Variants in SEL1L3 observed in about 807,000 individuals in gnomAD.
SEL1L3 encodes protein sel-1 homolog 3.
A neutral mutation model predicts 142.8 loss-of-function variants in SEL1L3; 76 were observed. The observed-to-expected ratio is 0.53, with a 90% CI of 0.44 to 0.64. SEL1L3 has a LOEUF of 0.64. Among genes scored for constraint, SEL1L3 ranks in the 30% least tolerant of loss-of-function variants. The pLI is 0.00. For missense variants in SEL1L3, 1,262 were observed against 1,381.7 expected (o/e 0.91, Z 1.37); for synonymous variants, 504 against 519.6 (o/e 0.97, Z 0.41).
In SEL1L3 at chr4:25,747,583, C is replaced by A. The variant is rs1248091070; in HGVS notation, c.*842G>T. On this transcript the variant is annotated 3_prime_UTR_variant, in exon 24 of 24. Transcript: ENST00000399878. The stretch of plus-strand genomic sequence containing the variant: ...GCTCTTCCTCTTCCTCTCTAACACA[C>A]ACACACACACACACACACACATATC... The A allele has an allele frequency of 6.6e-6, 1 of 151,954 alleles. No individual in the cohort carries two copies. Among genetic ancestry groups the A allele is most frequent in the African/African-American group, 2.4e-5 (1 of 41,332 alleles). 9.4% of individuals were successfully genotyped at this position (151,954 alleles called of 1,614,324 possible). A position where few individuals can be genotyped will look rare whatever the true frequency, so the allele number is the denominator to read the frequency against.
chr4:25,750,739 A>T (rs1208152477), intron 23 of SEL1L3, among the ~76,000 whole-genome samples: 1 of 152,198 alleles, frequency 6.6e-6, no homozygotes, highest in African/African-American at 2.4e-5. Flanking sequence ...ATTTTACTAT[A>T]ATTTTAGTAG....
the SEL1L3 span, among the ~76,000 whole-genome samples, chr4:25,738,705 G>T: frequency 6.6e-6 from 1 of 152,114 alleles, no homozygotes; most frequent in Non-Finnish European, 1.5e-5. Flanking sequence ...GGTAATCATT[G>T]TCTTCAGTTC....
At chr4:25,754,313 A>T (rs182021140) in intron 23 of SEL1L3, among the ~76,000 whole-genome samples, 10 of 150,180 alleles carry the variant, frequency 6.7e-5, no homozygotes, top group African/African-American at 2.4e-4. Context: ...AAAAATATAT[A>T]AAATAAATAA....
rs1713448896 is a variant in SEL1L3 at position 25,804,884 on chromosome 4, C to G, written c.1565-132G>C. The G allele has an allele frequency of 1.0e-5, 7 of 675,162 alleles. No individual in the cohort carries two copies. In the Admixed American group the frequency reaches 1.7e-4, roughly 16 times the overall value. 41.8% of individuals were successfully genotyped at this position (675,162 alleles called of 1,614,324 possible). A position where few individuals can be genotyped will look rare whatever the true frequency, so the allele number is the denominator to read the frequency against. On this transcript the variant is annotated intron_variant, in intron 9 of 23. Coordinates refer to ENST00000399878, the MANE Select transcript of SEL1L3 (RefSeq NM_015187.5). ...CGGTCCTGCAGTGCCTCAAAATATA[C>G]CACCTTCCAGGGAGGTAAATGAAAC... is the stretch of plus-strand genomic sequence containing the variant.
At chr4:25,745,428 T>A (rs911118598), downstream of SEL1L3, among the ~76,000 whole-genome samples, 5 of 151,516 alleles carry the variant, frequency 3.3e-5, no homozygotes, top group African/African-American at 4.9e-5. Flanking sequence ...GAAGGCAGAA[T>A]TGAGCAGAGT....
intron 2 of SEL1L3, among the ~76,000 whole-genome samples, chr4:25,845,439 T>G (rs191931599): frequency 6.6e-6 from 1 of 152,236 alleles, no homozygotes; most frequent in East Asian, 1.9e-4. Flanking sequence ...GAGGCTATAG[T>G]GAGTTATGAT....
intron 20 of SEL1L3, 116 bp from the exon 21 acceptor site, chr4:25,759,184 C>A (rs1450736685): frequency 9.2e-7 from 1 of 1,082,744 alleles, no homozygotes; most frequent in South Asian, 1.6e-5. Context: ...GTCTCTAGAG[C>A]CAGATGGTTT....
intron 2 of SEL1L3, among the ~76,000 whole-genome samples, chr4:25,838,654 A>G (rs1715981719): frequency 6.6e-6 from 1 of 152,258 alleles, no homozygotes. Context: ...AGGCCCCGCC[A>G]CCCACCCTGG....
Position 25,784,282 on chromosome 4 carries a change from T to A in SEL1L3, c.2226A>T (p.Gly742=), listed in dbSNP as rs751750638. The A allele has an allele frequency of 5.6e-6, 9 of 1,613,436 alleles. No homozygotes were observed. The highest frequency in any genetic ancestry group is 7.6e-6 in the Non-Finnish European group (9 of 1,179,432). ...AGGCAAGCCGTCTGTTCTTTTTTAC[T>A]CCTTGACCCTAAACATTGATAAACA... ...DYAIVLFKGQ[G]VKKNRRLALE... is the part of the protein sequence containing the mutation. The change falls in exon 14 of 24, where the codon GGA becomes GGT. Residue 742 remains glycine (G), a synonymous_variant. Coordinates refer to ENST00000399878, the MANE Select transcript of SEL1L3 (RefSeq NM_015187.5).
intron 1 of SEL1L3, among the ~76,000 whole-genome samples, chr4:25,854,530 G>A (rs1224303226): frequency 2.0e-5 from 3 of 152,118 alleles, no homozygotes; most frequent in African/African-American, 2.4e-5. Context: ...CACCCACCTC[G>A]GCCTTCCAAA....
chr4:25,719,003 C>G, the SEL1L3 span: 4 of 152,130 alleles, frequency 2.6e-5, no homozygotes, highest in African/African-American at 9.7e-5. Flanking sequence ...ATGAAGAAAC[C>G]CCGTCTCTAC....
intron 5 of SEL1L3, among the ~76,000 whole-genome samples, chr4:25,830,993 G>C (rs998347288): frequency 6.6e-6 from 1 of 152,114 alleles, no homozygotes; most frequent in African/African-American, 2.4e-5. Context: ...TGTGTTGTTT[G>C]GGACCTGTAT....
intron 20 of SEL1L3, among the ~76,000 whole-genome samples, chr4:25,762,328 A>G (rs1484118349): frequency 6.6e-6 from 1 of 152,252 alleles, no homozygotes; most frequent in Non-Finnish European, 1.5e-5. Context: ...AAGAGAAAAT[A>G]TGGAAATATA....
chr4:25,797,286 C>G (rs1712839010), intron 11 of SEL1L3, among the ~76,000 whole-genome samples: 1 of 152,138 alleles, frequency 6.6e-6, no homozygotes, highest in Admixed American at 6.5e-5. Flanking sequence ...TGCCAGCACC[C>G]CTGGGAACTC....
chr4:25,752,418 GAAA>G (rs76936235), intron 23 of SEL1L3, among the ~76,000 whole-genome samples: 5 of 98,852 alleles, frequency 5.1e-5, no homozygotes, highest in Admixed American at 1.1e-4. Context: ...CTCCATCTCC[GAAA>G]AAAAAAAAAA....
rs769479741 is a variant in SEL1L3, at chr4:25,748,456, G to A, written c.3368C>T (p.Thr1123Ile). ...ACGTGGCTCCGGGTTATTAGTTACTGTGGGCTGGTCTTGGTCAGAGGCATC... is the reference window on the plus strand; with the variant it reads ...ACGTGGCTCCGGGTTATTAGTTACTATGGGCTGGTCTTGGTCAGAGGCATC... ...AADASDQDQP[T>I]VTNNPEPRG Residue 1123 changes from threonine to isoleucine, a missense_variant, in exon 24 of 24, where the codon ACA (threonine) becomes ATA (isoleucine). Physicochemically the swap from Thr to Ile is moderately conservative, Grantham distance 89 (BLOSUM62 -1). Coordinates refer to ENST00000399878, the MANE Select transcript of SEL1L3 (RefSeq NM_015187.5). 1.2e-6 allele frequency: 2 copies of A among 1,611,734 alleles called. No homozygotes were observed. Among genetic ancestry groups the A allele is most frequent in the East Asian group, 2.2e-5 (1 of 44,850 alleles).
intron 8 of SEL1L3, 66 bp from the exon 9 acceptor site, chr4:25,818,344 G>T (rs1258407057): frequency 1.5e-6 from 2 of 1,369,230 alleles, no homozygotes; most frequent in Non-Finnish European, 1.9e-6. Flanking sequence ...CCTCCCTAAA[G>T]CCCTTCTTCC....
At chr4:25,827,525 T>A (rs538375956) in intron 6 of SEL1L3, among the ~76,000 whole-genome samples, 2 of 152,212 alleles carry the variant, frequency 1.3e-5, no homozygotes, top group African/African-American at 4.8e-5. Flanking sequence ...ATCTTGGACC[T>A]CTGCCCTCTA....
At chr4:25,714,475 GCTTTCTTTCTTTCTCTTTCTTTCTTTTT>G in the SEL1L3 span, among the ~76,000 whole-genome samples, 5 of 131,560 alleles carry the variant, frequency 3.8e-5, 1 homozygote, top group African/African-American at 1.7e-4. Flanking sequence ...AAATAAAATT[GCTTTCTTTCTTTCTCTTTCTTTCTTTTT>G]CTTTCTTTCT....
Sources: gnomAD v4.1 joint callset for allele counts (sites outside exome capture counted in the v4.1 genomes callset) on GRCh38, gnomAD v4.1.1 for gene constraint, MANE v1.5 for transcripts, NCBI Gene and HGNC (gene_info 2026-07-23, HGNC 2026-07-21) for gene names.